The following FNIP1 variants were observed in gnomAD, a reference collection of about 807,000 sequenced individuals.
The protein encoded by FNIP1 is folliculin interacting protein 1, also known as folliculin-interacting protein 1.
FNIP1 carries 40 observed loss-of-function variants against 124.5 expected under a neutral mutation model. The observed-to-expected ratio is 0.32, with a 90% confidence interval of 0.25 to 0.42. The LOEUF is 0.42. Among genes scored for constraint, FNIP1 ranks in the 10% least tolerant of loss-of-function variants. The pLI is 1.00. For synonymous variants in FNIP1, 472 were observed against 470.6 expected (o/e 1.00, Z -0.04); for missense variants, 1,176 against 1,403.7 (o/e 0.84, Z 2.59).
chr5:131,785,134 TATATATATAGTC>T (rs1245877283), intron 1 of FNIP1, among the ~76,000 whole-genome samples: 361 of 16,986 alleles, frequency 0.021, 11 homozygotes, highest in South Asian at 0.078. Context: ...TATATATGAC[TATATATATAGTC>T]ATATATATGA....
intron 5 of FNIP1, among the ~76,000 whole-genome samples, 177 bp from the exon 6 acceptor site, chr5:131,716,833 C>G (rs1769481904): frequency 6.6e-6 from 1 of 152,120 alleles, no homozygotes; most frequent in South Asian, 2.1e-4. Context: ...AGTGCCAGAT[C>G]TAGTCTGCTG....
intron 6 of FNIP1, among the ~76,000 whole-genome samples, chr5:131,714,888 T>C (rs949934304): frequency 6.6e-6 from 1 of 152,220 alleles, no homozygotes; most frequent in Non-Finnish European, 1.5e-5. Flanking sequence ...AGGAACTGTG[T>C]CTGGTTCACC....
intron 5 of FNIP1, among the ~76,000 whole-genome samples, chr5:131,718,138 T>C (rs1769533257): frequency 6.7e-6 from 1 of 149,374 alleles, no homozygotes; most frequent in Non-Finnish European, 1.5e-5. Context: ...TGCAGTGAGC[T>C]GAGATCACGC....
chr5:131,681,690 C>A (rs1015659087), intron 11 of FNIP1, among the ~76,000 whole-genome samples: 2 of 101,190 alleles, frequency 2.0e-5, no homozygotes, highest in Non-Finnish European at 4.2e-5. Context: ...GATAGAAAAA[C>A]AAAACATTCA....
intron 11 of FNIP1, among the ~76,000 whole-genome samples, chr5:131,691,505 T>C (rs1580758480): frequency 6.6e-6 from 1 of 152,100 alleles, no homozygotes; most frequent in East Asian, 1.9e-4. Context: ...ATTATTGTAA[T>C]TGAACAGAAA....
At chr5:131,682,518 AG>A (rs547147313) in intron 11 of FNIP1, among the ~76,000 whole-genome samples, 113 of 152,238 alleles carry the variant, frequency 7.4e-4, no homozygotes, top group South Asian at 6.2e-3. Context: ...TGAGAGTTCA[AG>A]ACCAGCCTGG....
intron 1 of FNIP1, among the ~76,000 whole-genome samples, chr5:131,778,170 G>A (rs1771873936): frequency 2.6e-5 from 4 of 151,794 alleles, no homozygotes; most frequent in Admixed American, 2.6e-4. Context: ...ATTAGCCTGG[G>A]CAACAAAGCA....
At chr5:131,705,949 A>C (rs1769093821) in intron 9 of FNIP1, among the ~76,000 whole-genome samples, 1 of 152,242 alleles carries the variant, frequency 6.6e-6, no homozygotes, top group Non-Finnish European at 1.5e-5. Context: ...ATGCTACAAC[A>C]TCGATAAACC....
In FNIP1 at chr5:131,672,477, T is replaced by C; in HGVS notation, c.1967A>G (p.Gln656Arg). The C allele has an allele frequency of 6.2e-7, 1 of 1,613,558 alleles. No individual in the cohort carries two copies. Among genetic ancestry groups the C allele is most frequent in the South Asian group, 1.1e-5 (1 of 91,084 alleles). ...ECQMISPSDC[Q>R]EENAVDVKQY... Reference sequence around the variant, plus strand: ...TTTAACATCAACAGCATTTTCTTCTTGGCAGTCAGAAGGAGAAATCATCTG... The same window carrying C: ...TTTAACATCAACAGCATTTTCTTCTCGGCAGTCAGAAGGAGAAATCATCTG... Residue 656 changes from glutamine to arginine, a missense_variant, in exon 14 of 18, where the codon CAA (glutamine) becomes CGA (arginine). Gln to Arg is a conservative substitution (Grantham distance 43). Around this residue, in one of 2 missense-constraint regions of FNIP1, gnomAD observed 1,109 missense variants for 1,288.5 expected, o/e 0.86. Coordinates refer to ENST00000510461, the MANE Select transcript of FNIP1 (RefSeq NM_133372.3).
chr5:131,705,942 C>A (rs1382242192), intron 9 of FNIP1, among the ~76,000 whole-genome samples: 3 of 152,072 alleles, frequency 2.0e-5, no homozygotes, highest in Non-Finnish European at 4.4e-5. Flanking sequence ...CTGACACATG[C>A]TACAACATCG....
Position 131,651,842 on chromosome 5 carries a change from G to A in FNIP1, c.3266C>T (p.Ser1089Phe). ...VSSLVSNLLH[S>F]TLQLYKHNLS... ...GTTATGCTTATAAAGCTGAAGTGTGGAATGAAGCAGATTGGAAACAAGACT... is the reference window on the plus strand; with the variant it reads ...GTTATGCTTATAAAGCTGAAGTGTGAAATGAAGCAGATTGGAAACAAGACT... Residue 1089 changes from serine (S) to phenylalanine (F), a missense_variant, in exon 16 of 18, where the codon TCC becomes TTC. Transcript: ENST00000510461. 6.2e-7 allele frequency: 1 copy of A among 1,614,110 alleles called. No individual in the cohort carries two copies. The highest frequency in any genetic ancestry group is 8.5e-7 in the Non-Finnish European group (1 of 1,180,018).
intron 14 of FNIP1, 48 bp from the exon 15 acceptor site, chr5:131,670,679 T>C: frequency 7.3e-7 from 1 of 1,368,716 alleles, no homozygotes; most frequent in Non-Finnish European, 9.8e-7. Flanking sequence ...AATAAATATA[T>C]TTAACCAGTA....
In FNIP1 at chr5:131,698,984, T is replaced by C. The variant is rs1255686868; in HGVS notation, c.1135A>G (p.Arg379Gly). 9.9e-6 allele frequency: 16 copies of C among 1,610,470 alleles called. No individual in the cohort carries two copies. Among genetic ancestry groups the C allele is most frequent in the Admixed American group, 1.7e-5 (1 of 59,226 alleles). The change falls in exon 11 of 18, where the codon AGA (arginine) becomes GGA (glycine). Residue 379 changes from arginine (R) to glycine (G), a missense_variant. Arg to Gly is a moderately radical substitution (Grantham distance 125, BLOSUM62 -2). Transcript: ENST00000510461. ...AIEQAMKMSR[R>G]SADASQRSLA... ...CTTCTCTGACTGGCATCAGCTGATCTCCGGCTCATTTTCATAGCCTTGAAA... is the reference window on the plus strand; with the variant it reads ...CTTCTCTGACTGGCATCAGCTGATCCCCGGCTCATTTTCATAGCCTTGAAA...
chr5:131,794,229 T>TAAAAAAAAAAAAA (rs60617618), intron 1 of FNIP1, among the ~76,000 whole-genome samples: 2 of 48,450 alleles, frequency 4.1e-5, no homozygotes, highest in Non-Finnish European at 8.3e-5. Context: ...AGACTCCATC[T>TAAAAAAAAAAAAA]AAAAAAAAAA....
At chr5:131,779,903 T>C (rs1003714615) in intron 1 of FNIP1, among the ~76,000 whole-genome samples, 1 of 151,940 alleles carries the variant, frequency 6.6e-6, no homozygotes, top group Admixed American at 6.6e-5. Flanking sequence ...AAATTTTTTT[T>C]AATAAAAAGC....
Position 131,673,694 on chromosome 5 carries a change from G to A in FNIP1, c.1520-770C>T, listed in dbSNP as rs568976048. 1.8e-4 allele frequency among the ~76,000 whole-genome samples: 27 copies of A among 152,298 alleles called. No homozygotes were observed. In the South Asian group the frequency reaches 5.6e-3, roughly 32 times the overall value. On this transcript the variant is annotated intron_variant, in intron 13 of 17. Transcript: ENST00000510461. ...AGGAAAGGAGTAGTGGTAAAATGGA[G>A]CAAAGCTATAGTCGTCACACCACAC... is the stretch of plus-strand genomic sequence containing the variant.
chr5:131,750,331 G>A (rs2149564779), intron 1 of FNIP1, among the ~76,000 whole-genome samples: 1 of 152,282 alleles, frequency 6.6e-6, no homozygotes, highest in Admixed American at 6.5e-5. Flanking sequence ...GTGGGAGGCA[G>A]AGAGGACAAG....
At chr5:131,690,010 G>A (rs1284605153) in intron 11 of FNIP1, among the ~76,000 whole-genome samples, 6 of 152,106 alleles carry the variant, frequency 3.9e-5, no homozygotes, top group African/African-American at 1.4e-4. Context: ...CGCGAGGTCA[G>A]GAGATCGAGG....
At chr5:131,738,270 G>C (rs747855154) in intron 2 of FNIP1, among the ~76,000 whole-genome samples, 2 of 152,116 alleles carry the variant, frequency 1.3e-5, no homozygotes, top group Non-Finnish European at 2.9e-5. Context: ...TCAACGCTCA[G>C]CTCTTGTCCT....
Sources: allele counts gnomAD v4.1 joint callset (sites outside exome capture counted in the v4.1 genomes callset), GRCh38; gene constraint gnomAD v4.1.1; regional missense constraint gnomAD v4.1.1; transcripts MANE v1.5; gene names NCBI Gene and HGNC (gene_info 2026-07-23, HGNC 2026-07-21).